The following STARD13 variants were observed in gnomAD, a reference collection of about 807,000 sequenced individuals.
STARD13 encodes StAR related lipid transfer domain containing 13.
In STARD13, 62 loss-of-function variants were observed where a neutral mutation model predicts 106.4. The ratio of observed to expected loss-of-function variants is 0.58; its 90% confidence interval spans 0.48 to 0.72. The LOEUF (loss-of-function observed/expected upper bound fraction) is 0.72. Among genes scored for constraint, STARD13 ranks in the 30% least tolerant of loss-of-function variants. STARD13 has a pLI of 0.00. For synonymous variants in STARD13, 565 were observed against 553.0 expected, an observed-to-expected ratio of 1.02 and a Z score of -0.31; for missense variants, 1,387 against 1,424.0, an observed-to-expected ratio of 0.97 and a Z score of 0.42.
chr13:33,487,984 A>G, the STARD13 span, among the ~76,000 whole-genome samples: 1 of 152,080 alleles, frequency 6.6e-6, no homozygotes, highest in African/African-American at 2.4e-5. Context: ...GGCAGCTTCA[A>G]AGCATCTAAT....
At chr13:33,316,251 C>A (rs1015749921) in intron 1 of STARD13, among the ~76,000 whole-genome samples, 25 of 151,454 alleles carry the variant, frequency 1.7e-4, no homozygotes, top group African/African-American at 6.1e-4. Context: ...CAGAAATATG[C>A]CTTCACTTCT....
At chr13:33,312,116 T>C (rs1049193359) in intron 1 of STARD13, among the ~76,000 whole-genome samples, 3 of 152,238 alleles carry the variant, frequency 2.0e-5, no homozygotes, top group Admixed American at 6.5e-5. Context: ...TTACACAATA[T>C]ACATAAAAGC....
chr13:33,299,556 C>A (rs1240337283), intron 1 of STARD13, among the ~76,000 whole-genome samples: 2 of 152,108 alleles, frequency 1.3e-5, no homozygotes, highest in Non-Finnish European at 2.9e-5. Context: ...CACAACAAAA[C>A]AAAATTTGGC....
chr13:33,204,942 G>A lies in STARD13; in HGVS notation c.170-37320C>T, dbSNP rs141909562. Among the ~76,000 whole-genome samples, 239 of 152,278 alleles carry A rather than the reference G, an allele frequency of 1.6e-3. 6 individuals carry two copies. In the East Asian group the frequency reaches 0.037, roughly 23 times the overall value. On this transcript the variant is annotated intron_variant, in intron 1 of 13. Transcript: ENST00000336934. Reference sequence around the variant, plus strand: ...GCAGATGCAAAATAAGTCCCTTTCCGCCTGTGTAAATTGTAAAAGAATTGA... The same window carrying A: ...GCAGATGCAAAATAAGTCCCTTTCCACCTGTGTAAATTGTAAAAGAATTGA...
the STARD13 span, among the ~76,000 whole-genome samples, chr13:33,444,602 C>CA: frequency 2.6e-4 from 40 of 151,540 alleles, no homozygotes; most frequent in Middle Eastern, 6.8e-3. Context: ...CCTGTCTCTA[C>CA]AAAAAAAATA....
At chr13:33,505,645 A>T in the STARD13 span, among the ~76,000 whole-genome samples, 2 of 152,174 alleles carry the variant, frequency 1.3e-5, no homozygotes, top group Admixed American at 6.6e-5. Context: ...CTTTTGTTAA[A>T]TTTTTTATCC....
the STARD13 span, among the ~76,000 whole-genome samples, chr13:33,652,325 T>TAAGTTTAACTTAATACC: frequency 2.6e-5 from 4 of 152,350 alleles, no homozygotes; most frequent in Non-Finnish European, 5.9e-5. Context: ...AACTTAACAC[T>TAAGTTTAACTTAATACC]AAGTTTAACT....
intron 1 of STARD13, among the ~76,000 whole-genome samples, chr13:33,301,728 T>TG (rs1594237903): frequency 6.6e-6 from 1 of 151,996 alleles, no homozygotes; most frequent in African/African-American, 2.4e-5. Context: ...CCACCATGCC[T>TG]GGCTAATATT....
At chr13:33,334,647 T>C (rs1425135413) in intron 1 of STARD13, among the ~76,000 whole-genome samples, 3 of 152,156 alleles carry the variant, frequency 2.0e-5, no homozygotes, top group Non-Finnish European at 4.4e-5. Context: ...CATGAAGGGC[T>C]TGAGCCAGCT....
the STARD13 span, among the ~76,000 whole-genome samples, chr13:33,476,017 G>T: frequency 2.6e-4 from 40 of 152,138 alleles, 1 homozygote; most frequent in South Asian, 6.8e-3. Context: ...TTTAAATGGT[G>T]TTTTTTCTAA....
At chr13:33,491,775 A>C in the STARD13 span, among the ~76,000 whole-genome samples, 1 of 152,248 alleles carries the variant, frequency 6.6e-6, no homozygotes, top group Admixed American at 6.5e-5. Context: ...CTGAGGAATA[A>C]GGTTTGAAAC....
chr13:33,432,459 G>T, the STARD13 span, among the ~76,000 whole-genome samples: 1 of 152,070 alleles, frequency 6.6e-6, no homozygotes, highest in East Asian at 1.9e-4. Flanking sequence ...CGGTTGCCTG[G>T]GGGAAGGGGC....
intron 1 of STARD13, among the ~76,000 whole-genome samples, chr13:33,180,172 T>C (rs933466604): frequency 6.6e-6 from 1 of 152,232 alleles, no homozygotes; most frequent in African/African-American, 2.4e-5. Flanking sequence ...ATGAGAGTCA[T>C]AAATGAGATG....
At chr13:33,132,686 TA>T (rs1878489758) in intron 4 of STARD13, among the ~76,000 whole-genome samples, 1 of 152,106 alleles carries the variant, frequency 6.6e-6, no homozygotes, top group Non-Finnish European at 1.5e-5. Flanking sequence ...CCCTGTCTCT[TA>T]AAAAAAGGAA....
At chr13:33,501,868 T>C in the STARD13 span, among the ~76,000 whole-genome samples, 1 of 152,162 alleles carries the variant, frequency 6.6e-6, no homozygotes, top group African/African-American at 2.4e-5. Flanking sequence ...CAGGCTCTTT[T>C]TTTTTGGTTC....
the STARD13 span, among the ~76,000 whole-genome samples, chr13:33,441,585 G>T: frequency 6.6e-6 from 1 of 152,152 alleles, no homozygotes; most frequent in Non-Finnish European, 1.5e-5. Flanking sequence ...GCAGAGAAAA[G>T]GTATACAGTA....
chr13:33,584,777 T>G, the STARD13 span, among the ~76,000 whole-genome samples: 20 of 151,690 alleles, frequency 1.3e-4, no homozygotes, highest in African/African-American at 4.6e-4. Flanking sequence ...TGGGAGCGGA[T>G]TTCTCATGAA....
the STARD13 span, among the ~76,000 whole-genome samples, chr13:33,499,612 T>TCTTC: frequency 1.6e-4 from 13 of 79,198 alleles, no homozygotes; most frequent in Non-Finnish European, 2.8e-4. Context: ...TCTTTCTTCT[T>TCTTC]CTTCTTCTTC....
At chr13:33,621,532 T>G in the STARD13 span, among the ~76,000 whole-genome samples, 1 of 151,004 alleles carries the variant, frequency 6.6e-6, no homozygotes, top group Admixed American at 6.6e-5. Context: ...AAAAAGAAAT[T>G]AGCCGGGTGT....
Sources: gnomAD v4.1 joint callset for allele counts (sites outside exome capture counted in the v4.1 genomes callset) on GRCh38, gnomAD v4.1.1 for gene constraint, MANE v1.5 for transcripts, NCBI Gene and HGNC (gene_info 2026-07-23, HGNC 2026-07-21) for gene names.